CGGBP1: variants seen among roughly 807,000 people sequenced by gnomAD.
CGGBP1 encodes CGG triplet repeat-binding protein 1.
A neutral mutation model predicts 11.4 loss-of-function variants in CGGBP1; 4 were observed. The ratio of observed to expected loss-of-function variants is 0.35; its 90% CI spans 0.17 to 0.80. CGGBP1 has a LOEUF of 0.80. Ranked by LOEUF, CGGBP1 falls within the 30% of genes least tolerant of loss-of-function variation. The pLI is 0.52. For synonymous variants in CGGBP1, 76 were observed against 74.1 expected (o/e 1.03, Z -0.13); for missense variants, 135 against 202.1 (o/e 0.67, Z 2.01).
intron 2 of CGGBP1, 116 bp from the exon 3 acceptor site, chr3:88,057,408 C>A (rs1353041599): frequency 6.6e-6 from 1 of 150,920 alleles, no homozygotes; most frequent in Non-Finnish European, 1.5e-5. Flanking sequence ...AGGTTTGCAA[C>A]GGCAGAGAAG....
At position 88,082,445 on chromosome 3, in the gene CGGBP1, T is replaced by A. The variant is rs76097125; in HGVS notation, c.-228-24222A>T. Among the ~76,000 whole-genome samples the A allele has an allele frequency of 3.0e-3, 461 of 152,260 alleles. 3 individuals are homozygous for A. The highest frequency in any genetic ancestry group is 0.011 in the African/African-American group (443 of 41,546). On this transcript the variant is annotated intron_variant, in intron 2 of 3. Coordinates refer to the CGGBP1 transcript ENST00000462901. ...TGGCCTGTGAATCAGTTTTTAAAAG[T>A]GGCTGGATTCGCTGTAAACAAATGA...
rs545623848 is a variant in CGGBP1, at chr3:88,074,769, G to T, written c.-228-16546C>A. Among the ~76,000 whole-genome samples the T allele has an allele frequency of 7.9e-5, 12 of 152,160 alleles. No individual in the cohort carries two copies. The East Asian group carries it at 2.3e-3, about 29-fold the overall frequency. On this transcript the variant is annotated intron_variant, in intron 2 of 3. Coordinates refer to the CGGBP1 transcript ENST00000462901. ...CAACTATACTATGTACTAAATTCAG[G>T]GAATTACTTTTGCCAGTAAAAATTA... is the stretch of plus-strand genomic sequence containing the variant.
rs887075769 is a variant in CGGBP1 at position 88,099,798 on chromosome 3, C to T, written c.-229+41172G>A. 2.0e-4 allele frequency among the ~76,000 whole-genome samples: 31 copies of T among 152,288 alleles called. 1 individual carries two copies. Among genetic ancestry groups the T allele is most frequent in the South Asian group, 6.2e-4 (3 of 4,822 alleles). ...GTAGAAAGCTGAAAATGGGTCCCTT[C>T]CTTACACCTTATACAAAAATTAATT... On this transcript the variant is annotated intron_variant, in intron 2 of 3. Coordinates refer to the CGGBP1 transcript ENST00000462901.
intron 2 of CGGBP1, among the ~76,000 whole-genome samples, chr3:88,083,525 G>A (rs1708186780): frequency 6.6e-6 from 1 of 152,000 alleles, no homozygotes; most frequent in Non-Finnish European, 1.5e-5. Flanking sequence ...CGTGCTTCTG[G>A]CCTTGGCTAT....
At chr3:88,117,365 C>A (rs1285469193) in intron 2 of CGGBP1, among the ~76,000 whole-genome samples, 1 of 152,080 alleles carries the variant, frequency 6.6e-6, no homozygotes, top group Non-Finnish European at 1.5e-5. Context: ...CAATAAAATT[C>A]TCTATAGTAA....
chr3:88,111,520 A>G (rs987040349), intron 2 of CGGBP1, among the ~76,000 whole-genome samples: 5 of 151,920 alleles, frequency 3.3e-5, no homozygotes, highest in Non-Finnish European at 7.4e-5. Context: ...AGATGTAGCT[A>G]TATTCTCACT....
At position 88,116,529 on chromosome 3, in the gene CGGBP1, G is replaced by GA. The variant is rs199711763; in HGVS notation, c.-229+24440dup. Reference sequence around the variant, plus strand: ...ACAAGAGCGAAACTCTGTCTCAAAAGAAAAAAAAATACATACATACATACA... The same window carrying GA: ...ACAAGAGCGAAACTCTGTCTCAAAAGAAAAAAAAAATACATACATACATACA... On this transcript the variant is annotated intron_variant, in intron 2 of 3. Coordinates refer to the CGGBP1 transcript ENST00000462901. Among the ~76,000 whole-genome samples the GA allele has an allele frequency of 1.1e-3, 146 of 133,476 alleles. 1 individual carries two copies. The highest frequency in any genetic ancestry group is 3.7e-3 in the African/African-American group (133 of 35,920). The allele number at this position is 133,476 out of a possible 152,430, so 87.6% of individuals were successfully genotyped here. A position where few individuals can be genotyped will look rare whatever the true frequency, so the allele number is the denominator to read the frequency against.
chr3:88,125,732 G>A (rs1360584016), intron 2 of CGGBP1, among the ~76,000 whole-genome samples: 1 of 152,042 alleles, frequency 6.6e-6, no homozygotes, highest in Non-Finnish European at 1.5e-5. Flanking sequence ...GACACCCCAC[G>A]CCCCCTGCCC....
upstream of CGGBP1, among the ~76,000 whole-genome samples, chr3:88,061,913 C>G (rs569393558): frequency 5.0e-4 from 76 of 152,140 alleles, no homozygotes; most frequent in African/African-American, 1.8e-3. Context: ...AGTGGTGTTT[C>G]AAAGAAAGGC....
intron 2 of CGGBP1, among the ~76,000 whole-genome samples, chr3:88,074,315 T>C (rs1707677398): frequency 6.6e-6 from 1 of 151,560 alleles, no homozygotes; most frequent in Non-Finnish European, 1.5e-5. Context: ...AGGAGAATTC[T>C]TTAACTTCCA....
At chr3:88,107,703 C>T (rs1704829385) in intron 2 of CGGBP1, among the ~76,000 whole-genome samples, 2 of 152,070 alleles carry the variant, frequency 1.3e-5, no homozygotes, top group Admixed American at 6.5e-5. Flanking sequence ...GATAATTTTT[C>T]AGATTTTTTC....
At chr3:88,104,322 G>A (rs1704608163) in intron 2 of CGGBP1, among the ~76,000 whole-genome samples, 1 of 152,056 alleles carries the variant, frequency 6.6e-6, no homozygotes, top group Non-Finnish European at 1.5e-5. Context: ...CTAAAGCAGG[G>A]GTTGACAAAA....
chr3:88,058,361 CCCAA>C (rs950027509), intron 1 of CGGBP1, 138 bp from the exon 2 acceptor site: 1 of 152,268 alleles, frequency 6.6e-6, no homozygotes, highest in African/African-American at 2.4e-5. Flanking sequence ...CAAACCCGAT[CCCAA>C]CGTTTACCCT....
intron 1 of CGGBP1, among the ~76,000 whole-genome samples, chr3:88,146,641 C>T (rs1707318204): frequency 6.6e-6 from 1 of 152,168 alleles, no homozygotes; most frequent in Admixed American, 6.5e-5. Context: ...GGCTCCCATA[C>T]CCTGTCTTTG....
chr3:88,056,156 A>G (rs1262271874), intron 3 of CGGBP1, 157 bp from the exon 4 acceptor site: 1 of 561,762 alleles, frequency 1.8e-6, no homozygotes, highest in Non-Finnish European at 3.0e-6. Context: ...TACCTGAAAT[A>G]TATAAGGGAA....
chr3:88,118,319 T>C lies in CGGBP1; in HGVS notation c.-229+22651A>G, dbSNP rs367621024. Among the ~76,000 whole-genome samples the C allele has an allele frequency of 5.9e-5, 9 of 152,056 alleles. No individual in the cohort carries two copies. The South Asian group carries it at 1.7e-3, about 28-fold the overall frequency. ...AGTTAGGAGGTGGTATGGGATATCA[T>C]GTCCCAAGCAGGAGGCTCAACGCTA... On this transcript the variant is annotated intron_variant, in intron 2 of 3. Transcript: ENST00000462901.
intron 2 of CGGBP1, among the ~76,000 whole-genome samples, chr3:88,133,426 A>G (rs1234301255): frequency 2.0e-5 from 3 of 152,204 alleles, no homozygotes; most frequent in East Asian, 1.9e-4. Context: ...TCGATAAAAT[A>G]TAACAAGGAA....
chr3:88,126,634 G>C (rs1283459913), intron 2 of CGGBP1, among the ~76,000 whole-genome samples: 1 of 128,072 alleles, frequency 7.8e-6, no homozygotes, highest in Non-Finnish European at 1.6e-5. Flanking sequence ...TTTCATGAAA[G>C]CACATGGAAT....
intron 2 of CGGBP1, among the ~76,000 whole-genome samples, chr3:88,093,443 C>G (rs1439146321): frequency 6.6e-6 from 1 of 152,156 alleles, no homozygotes; most frequent in Admixed American, 6.6e-5. Context: ...AGGTATTTGC[C>G]TGACGGCCAC....
Sources: gnomAD v4.1 joint callset for allele counts (sites outside exome capture counted in the v4.1 genomes callset) on GRCh38, gnomAD v4.1.1 for gene constraint, MANE v1.5 for transcripts, NCBI Gene and HGNC (gene_info 2026-07-23, HGNC 2026-07-21) for gene names.